CACNG2: variants seen among roughly 807,000 people sequenced by gnomAD.
CACNG2 encodes calcium voltage-gated channel auxiliary subunit gamma 2, also known as voltage-dependent calcium channel gamma-2 subunit.
In CACNG2, 3 loss-of-function variants were observed where a neutral mutation model predicts 25.9. The observed-to-expected ratio is 0.12, with a 90% CI of 0.05 to 0.30. The LOEUF (loss-of-function observed/expected upper bound fraction) is 0.30, where lower values mean the gene tolerates loss of function less well. Ranked by LOEUF, CACNG2 falls within the 10% of genes least tolerant of loss-of-function variation. The pLI is 1.00. For missense variants in CACNG2, 341 were observed against 432.5 expected, an observed-to-expected ratio of 0.79 and a Z score of 1.88; for synonymous variants, 167 against 173.3, an observed-to-expected ratio of 0.96 and a Z score of 0.29.
intron 1 of CACNG2, among the ~76,000 whole-genome samples, chr22:36,695,303 C>G (rs75395446): frequency 0.022 from 3,409 of 152,196 alleles, 123 homozygotes; most frequent in African/African-American, 0.078. Context: ...ATTTTTATCC[C>G]CATTCTGTAG....
At chr22:36,613,168 G>C (rs1017495030) in intron 1 of CACNG2, among the ~76,000 whole-genome samples, 13 of 151,354 alleles carry the variant, frequency 8.6e-5, no homozygotes, top group African/African-American at 2.2e-4. Flanking sequence ...GTGTGTGTGT[G>C]TGTGTGTGTG....
At chr22:36,678,004 C>T (rs1937040276) in intron 1 of CACNG2, among the ~76,000 whole-genome samples, 1 of 152,206 alleles carries the variant, frequency 6.6e-6, no homozygotes, top group South Asian at 2.1e-4. Flanking sequence ...ACTTATTACT[C>T]AGCTTTTATT....
At chr22:36,679,181 C>CTTTCTTTCTTTCTTT (rs1569049785) in intron 1 of CACNG2, among the ~76,000 whole-genome samples, 1 of 127,128 alleles carries the variant, frequency 7.9e-6, no homozygotes, top group African/African-American at 3.6e-5. Context: ...TTCCTTCCTT[C>CTTTCTTTCTTTCTTT]CTTCCTTCCT....
chr22:36,604,720 AC>A (rs1248719956), intron 1 of CACNG2, among the ~76,000 whole-genome samples: 3 of 152,244 alleles, frequency 2.0e-5, no homozygotes, highest in Non-Finnish European at 4.4e-5. Flanking sequence ...TTATGTATGT[AC>A]ATTGTTTTCT....
chr22:36,680,655 C>T (rs1380749544), intron 1 of CACNG2, among the ~76,000 whole-genome samples: 2 of 6,914 alleles, frequency 2.9e-4, no homozygotes, highest in Non-Finnish European at 3.1e-4. Flanking sequence ...ATTATCACCA[C>T]CATCACCACC....
chr22:36,656,554 C>T (rs1936708199), intron 1 of CACNG2, among the ~76,000 whole-genome samples: 1 of 152,184 alleles, frequency 6.6e-6, no homozygotes, highest in South Asian at 2.1e-4. Context: ...TTCACCCCAG[C>T]CCCTACATTG....
At chr22:36,631,558 G>T (rs532909013) in intron 1 of CACNG2, among the ~76,000 whole-genome samples, 1 of 152,232 alleles carries the variant, frequency 6.6e-6, no homozygotes, top group African/African-American at 2.4e-5. Flanking sequence ...AGGAGGAAAG[G>T]TTTTCTGGGG....
At chr22:36,654,171 T>G (rs1327885090) in intron 1 of CACNG2, among the ~76,000 whole-genome samples, 1 of 152,170 alleles carries the variant, frequency 6.6e-6, no homozygotes, top group Admixed American at 6.5e-5. Context: ...AGAGCCAATC[T>G]TTCTCTTTGA....
intron 2 of CACNG2, among the ~76,000 whole-genome samples, chr22:36,568,668 G>A (rs945241464): frequency 1.3e-5 from 2 of 152,188 alleles, no homozygotes; most frequent in Non-Finnish European, 2.9e-5. Context: ...GCCTCCCAAA[G>A]TGCTGGGATT....
At chr22:36,573,597 G>T (rs746065705) in intron 2 of CACNG2, among the ~76,000 whole-genome samples, 15 of 152,208 alleles carry the variant, frequency 9.9e-5, no homozygotes, top group Non-Finnish European at 1.6e-4. Flanking sequence ...CTCCCAAAGT[G>T]CCGGGAGTGC....
chr22:36,582,138 T>C (rs74473950), intron 2 of CACNG2, among the ~76,000 whole-genome samples: 3,732 of 152,274 alleles, frequency 0.025, 158 homozygotes, highest in African/African-American at 0.086. Context: ...TTTTAACTCT[T>C]CTGTCGGCTT....
At chr22:36,640,202 C>T (rs1936421944) in intron 1 of CACNG2, among the ~76,000 whole-genome samples, 1 of 152,198 alleles carries the variant, frequency 6.6e-6, no homozygotes, top group South Asian at 2.1e-4. Flanking sequence ...AAGATCGCGG[C>T]TCCTTCACAG....
At chr22:36,625,014 G>A (rs1936163129) in intron 1 of CACNG2, among the ~76,000 whole-genome samples, 1 of 15,640 alleles carries the variant, frequency 6.4e-5, no homozygotes. Flanking sequence ...GCAACAGAGT[G>A]AGACTCTGTC....
chr22:36,652,955 C>A lies in CACNG2; in HGVS notation c.211+49411G>T, dbSNP rs566610630. Among the ~76,000 whole-genome samples, 4 of 152,160 alleles carry A rather than the reference C, an allele frequency of 2.6e-5. No individual in the cohort carries two copies. In the East Asian group the frequency reaches 5.8e-4, roughly 22 times the overall value. ...CAGAAGACAGTCCCCATGCTGGAGT[C>A]CCCCCGGGCTGTAGGCAAAGACAGA... is the stretch of plus-strand genomic sequence containing the variant. On this transcript the variant is annotated intron_variant, in intron 1 of 3. Coordinates refer to ENST00000300105, the MANE Select transcript of CACNG2 (RefSeq NM_006078.5).
At chr22:36,681,855 G>A (rs1475917036) in intron 1 of CACNG2, among the ~76,000 whole-genome samples, 1 of 152,182 alleles carries the variant, frequency 6.6e-6, no homozygotes, top group African/African-American at 2.4e-5. Context: ...AGAGGATCCA[G>A]CCCATGGTAG....
chr22:36,639,300 C>G (rs1936406344), intron 1 of CACNG2, among the ~76,000 whole-genome samples: 1 of 152,130 alleles, frequency 6.6e-6, no homozygotes, highest in Non-Finnish European at 1.5e-5. Context: ...GATGATTACT[C>G]AAAAGGGGCA....
chr22:36,621,605 AGGTGTGTGT>A (rs370517245), intron 1 of CACNG2, among the ~76,000 whole-genome samples: 16 of 132,886 alleles, frequency 1.2e-4, no homozygotes, highest in African/African-American at 5.2e-4. Flanking sequence ...ATTAAGTATG[AGGTGTGTGT>A]GCATGCATGC....
chr22:36,617,978 G>A (rs1936047546), intron 1 of CACNG2, among the ~76,000 whole-genome samples: 1 of 152,126 alleles, frequency 6.6e-6, no homozygotes, highest in Admixed American at 6.5e-5. Context: ...CCTGGCCATG[G>A]CAGCTAATCA....
chr22:36,648,317 G>A (rs967128909), intron 1 of CACNG2, among the ~76,000 whole-genome samples: 3 of 152,230 alleles, frequency 2.0e-5, no homozygotes, highest in African/African-American at 7.2e-5. Flanking sequence ...TGCAAATTAA[G>A]CAACAGAAAG....
Sources: allele counts gnomAD v4.1 joint callset (sites outside exome capture counted in the v4.1 genomes callset), GRCh38; gene constraint gnomAD v4.1.1; transcripts MANE v1.5; gene names NCBI Gene and HGNC (gene_info 2026-07-23, HGNC 2026-07-21).